Variants in CPE observed in about 807,000 individuals in gnomAD.
CPE encodes the protein carbocypeptidase E.
Under a neutral mutation model 53.5 loss-of-function variants are expected in CPE, and 17 were observed. The ratio of observed to expected loss-of-function variants is 0.32; its 90% CI spans 0.22 to 0.48. The LOEUF (loss-of-function observed/expected upper bound fraction) is 0.48. Ranked by LOEUF, CPE falls within the 20% of genes least tolerant of loss-of-function variation. The probability of loss-of-function intolerance (pLI) is 0.99; values close to 1 mark genes in which losing one functional copy is unlikely to be tolerated. For missense variants in CPE, 524 were observed against 614.7 expected, an observed-to-expected ratio of 0.85 and a Z score of 1.56; for synonymous variants, 226 against 228.8, an observed-to-expected ratio of 0.99 and a Z score of 0.11.
rs185072741 is a variant in CPE, at chr4:165,435,818, G to A, written c.308-28572G>A. 3.5e-3 allele frequency among the ~76,000 whole-genome samples: 537 copies of A among 152,220 alleles called. 3 individuals are homozygous for A. The highest frequency in any genetic ancestry group is 0.012 in the African/African-American group (514 of 41,520). On this transcript the variant is annotated intron_variant, in intron 1 of 8. Transcript: ENST00000402744. Reference sequence around the variant, plus strand: ...CCTGTTGTGAATCAGTTCCAAGAAGGCTTTACCCTATCACTCCATTAAAGA... The same window carrying A: ...CCTGTTGTGAATCAGTTCCAAGAAGACTTTACCCTATCACTCCATTAAAGA...
intron 1 of CPE, among the ~76,000 whole-genome samples, chr4:165,394,564 A>C (rs1319876881): frequency 6.6e-6 from 1 of 152,014 alleles, no homozygotes; most frequent in Non-Finnish European, 1.5e-5. Context: ...AATAACTAAA[A>C]ATGGGTGAGG....
intron 1 of CPE, among the ~76,000 whole-genome samples, chr4:165,464,166 C>G (rs942911175): frequency 2.0e-5 from 3 of 152,106 alleles, no homozygotes; most frequent in Non-Finnish European, 4.4e-5. Flanking sequence ...CTTCAACATA[C>G]TAATTTTGGG....
Position 165,497,688 on chromosome 4 carries a change from T to C in CPE, c.*78T>C. On this transcript the variant is annotated 3_prime_UTR_variant, in exon 9 of 9. Transcript: ENST00000402744. ...AATGTGGTCTTTTTTTTAGATTTTG[T>C]GCAGTTAATACTTAACATTGATTTA... 1 of 666,426 alleles carries C rather than the reference T, an allele frequency of 1.5e-6. No homozygotes were observed. Among genetic ancestry groups the C allele is most frequent in the Non-Finnish European group, 2.3e-6 (1 of 441,430 alleles). 41.3% of individuals were successfully genotyped at this position (666,426 alleles called of 1,614,324 possible). A position where few individuals can be genotyped will look rare whatever the true frequency, so the allele number is the denominator to read the frequency against.
rs80301811 is a variant in CPE, at chr4:165,488,911, A to G, written c.1113+1334A>G. 9.2e-5 allele frequency among the ~76,000 whole-genome samples: 14 copies of G among 152,304 alleles called. No individual in the cohort carries two copies. The East Asian group carries it at 2.7e-3, about 29-fold the overall frequency. On this transcript the variant is annotated intron_variant, in intron 6 of 8. Transcript: ENST00000402744. The stretch of plus-strand genomic sequence containing the variant: ...AGGAATTCTTTTACACATGTCAAAT[A>G]TCCATATACTGTAATACCTTACCAG...
intron 1 of CPE, among the ~76,000 whole-genome samples, chr4:165,452,390 A>C (rs1209542535): frequency 1.3e-5 from 2 of 152,216 alleles, no homozygotes; most frequent in African/African-American, 4.8e-5. Context: ...GTATCAAAAT[A>C]TCACATGTAT....
chr4:165,424,668 G>A (rs907604715), intron 1 of CPE, among the ~76,000 whole-genome samples: 1 of 151,686 alleles, frequency 6.6e-6, no homozygotes, highest in African/African-American at 2.4e-5. Flanking sequence ...CGAGTACCTG[G>A]GATTACAGGC....
At position 165,423,098 on chromosome 4, in the gene CPE, C is replaced by A. The variant is rs183068368; in HGVS notation, c.308-41292C>A. Among the ~76,000 whole-genome samples the A allele has an allele frequency of 2.6e-5, 4 of 151,810 alleles. No homozygotes were observed. The East Asian group carries it at 7.8e-4, about 30-fold the overall frequency. On this transcript the variant is annotated intron_variant, in intron 1 of 8. Coordinates refer to ENST00000402744, the MANE Select transcript of CPE (RefSeq NM_001873.4). ...ACATTCTTTTGAGTTTCTGGTAAGT[C>A]TTTCCAAAGGAAGCAATCAAATATG...
At chr4:165,400,785 C>T (rs116675967) in intron 1 of CPE, among the ~76,000 whole-genome samples, 2 of 152,272 alleles carry the variant, frequency 1.3e-5, no homozygotes, top group Non-Finnish European at 2.9e-5. Flanking sequence ...TTTCAACACA[C>T]ATTCATTCCT....
At chr4:165,452,126 C>A (rs1039404114) in intron 1 of CPE, among the ~76,000 whole-genome samples, 1 of 151,892 alleles carries the variant, frequency 6.6e-6, no homozygotes, top group Non-Finnish European at 1.5e-5. Context: ...AAGGAGAGGG[C>A]AGAATGATAG....
intron 1 of CPE, among the ~76,000 whole-genome samples, chr4:165,447,101 A>T (rs753232924): frequency 6.6e-6 from 1 of 152,216 alleles, no homozygotes; most frequent in East Asian, 1.9e-4. Flanking sequence ...ATAAAAATAC[A>T]GCATGAAAGA....
intron 1 of CPE, among the ~76,000 whole-genome samples, chr4:165,424,167 A>G (rs1463812263): frequency 6.6e-6 from 1 of 151,772 alleles, no homozygotes; most frequent in Admixed American, 6.6e-5. Flanking sequence ...TTGCCTTTTC[A>G]AATTATGAAG....
intron 6 of CPE, among the ~76,000 whole-genome samples, chr4:165,491,490 A>G (rs537587405): frequency 6.6e-6 from 1 of 152,076 alleles, no homozygotes. Flanking sequence ...CTGATTTTTC[A>G]TCTTTTAATT....
At chr4:165,453,430 GGCTGAGT>G (rs1415586659) in intron 1 of CPE, among the ~76,000 whole-genome samples, 11 of 149,142 alleles carry the variant, frequency 7.4e-5, no homozygotes, top group Non-Finnish European at 1.2e-4. Context: ...CTGTCACCCA[GGCTGAGT>G]GCAGTAGCAT....
intron 3 of CPE, among the ~76,000 whole-genome samples, chr4:165,468,594 C>T (rs72703682): frequency 8.7e-4 from 133 of 152,262 alleles, no homozygotes; most frequent in Non-Finnish European, 1.7e-3. Context: ...TCTCTGTCAC[C>T]GCTCACCAGT....
Position 165,379,933 on chromosome 4 carries a change from C to G in CPE, c.307+405C>G, listed in dbSNP as rs557076410. Among the ~76,000 whole-genome samples, 20 of 152,352 alleles carry G rather than the reference C, an allele frequency of 1.3e-4. No homozygotes were observed. The highest frequency in any genetic ancestry group is 3.4e-3 in the Middle Eastern group (1 of 294). Reference sequence around the variant, plus strand: ...CCCAAAGGAATGATTGCGAGTCCCCCGCAAGGGGGGTTGGTCTTCCTTGCT... The same window carrying G: ...CCCAAAGGAATGATTGCGAGTCCCCGGCAAGGGGGGTTGGTCTTCCTTGCT... On this transcript the variant is annotated intron_variant, in intron 1 of 8. Transcript: ENST00000402744. The surrounding 1 kb of genome is among the most constrained non-coding windows in gnomAD (Gnocchi z 6.0).
chr4:165,448,521 G>A (rs1333555718), intron 1 of CPE, among the ~76,000 whole-genome samples: 2 of 152,070 alleles, frequency 1.3e-5, no homozygotes, highest in South Asian at 4.1e-4. Context: ...GGGCCCTAAC[G>A]GGGAGCAGGA....
chr4:165,379,086 CG>C lies in CPE; in HGVS notation c.-132del, dbSNP rs1730457017. The C allele has an allele frequency of 6.3e-6, 5 of 791,020 alleles. No individual in the cohort carries two copies. Among genetic ancestry groups the C allele is most frequent in the African/African-American group, 1.8e-5 (1 of 55,128 alleles). The allele number at this position is 791,020 out of a possible 1,614,324, so 49.0% of individuals were successfully genotyped here. A position where few individuals can be genotyped will look rare whatever the true frequency, so the allele number is the denominator to read the frequency against. The stretch of plus-strand genomic sequence containing the variant: ...GTGCGCGGGCTGACACTCATTCAGC[CG>C]GGGAAGGTGAGGCGAGTAGAGGCTG... On this transcript the variant is annotated 5_prime_UTR_variant, in exon 1 of 9. Coordinates refer to ENST00000402744, the MANE Select transcript of CPE (RefSeq NM_001873.4). This position sits in a 1 kb window ranked among gnomAD's most constrained non-coding sequence, Gnocchi z 6.0.
intron 7 of CPE, among the ~76,000 whole-genome samples, chr4:165,494,810 C>A (rs964056824): frequency 2.0e-5 from 3 of 152,070 alleles, no homozygotes; most frequent in African/African-American, 4.8e-5. Context: ...TTTGACTGTA[C>A]CTATTTTTGC....
intron 1 of CPE, among the ~76,000 whole-genome samples, chr4:165,394,006 CT>C (rs1351756414): frequency 6.6e-6 from 1 of 152,044 alleles, no homozygotes; most frequent in African/African-American, 2.4e-5. Flanking sequence ...TTCAGGAAGG[CT>C]GAGGACCTAA....
Sources: gnomAD v4.1 joint callset for allele counts (sites outside exome capture counted in the v4.1 genomes callset) on GRCh38, gnomAD v4.1.1 for gene constraint, Gnocchi (gnomAD v3.1) non-coding constraint, MANE v1.5 for transcripts, NCBI Gene and HGNC (gene_info 2026-07-23, HGNC 2026-07-21) for gene names.